The following LILRB1 variants were observed in gnomAD, a reference collection of about 807,000 sequenced individuals.
LILRB1 encodes the protein leukocyte immunoglobulin-like receptor subfamily B member 1.
A neutral mutation model predicts 74.6 loss-of-function variants in LILRB1; 59 were observed. That is an observed-to-expected ratio of 0.79 (90% CI 0.64 to 0.98). The LOEUF (loss-of-function observed/expected upper bound fraction) is 0.98, where lower values mean the gene tolerates loss of function less well. Ranked by LOEUF, LILRB1 falls within the 50% of genes least tolerant of loss-of-function variation. The pLI, the probability that LILRB1 is intolerant of heterozygous loss-of-function variation, is 0.00. For synonymous variants in LILRB1, 328 were observed against 333.9 expected, an observed-to-expected ratio of 0.98 and a Z score of 0.19; for missense variants, 804 against 822.6, an observed-to-expected ratio of 0.98 and a Z score of 0.28.
upstream of LILRB1, among the ~76,000 whole-genome samples, chr19:54,628,378 G>A (rs766643579): frequency 5.9e-5 from 9 of 152,152 alleles, no homozygotes; most frequent in Non-Finnish European, 8.8e-5. Context: ...TCTACCCAGA[G>A]ACAGTCCCAG....
chr19:54,621,105 C>T (rs2063444685), intron 1 of LILRB1, among the ~76,000 whole-genome samples: 1 of 152,164 alleles, frequency 6.6e-6, no homozygotes, highest in Non-Finnish European at 1.5e-5. Context: ...CACTCCCAAC[C>T]TCAGGTGATC....
intron 1 of LILRB1, among the ~76,000 whole-genome samples, chr19:54,617,591 T>TGTGTG (rs2063344128): frequency 3.4e-4 from 45 of 133,428 alleles, no homozygotes; most frequent in East Asian, 8.6e-4. Context: ...GTGTGTGTGG[T>TGTGTG]GTGTGTGTGT....
Position 54,632,480 on chromosome 19 carries a change from A to G in LILRB1, c.678A>G (p.Pro226=), listed in dbSNP as rs764079906. Residue 226 remains proline, a synonymous_variant, in exon 6 of 15, where the codon CCA becomes CCG. Coordinates refer to ENST00000324602, the MANE Select transcript of LILRB1 (RefSeq NM_001081637.3). The stretch of plus-strand genomic sequence containing the variant: ...TTTTCCCAGGTGTTTCTAAGAAGCC[A>G]TCACTCTCAGTGCAGCCAGGTCCTA... ...ELLVLGVSKK[P]SLSVQPGPIV... 5.6e-6 allele frequency: 9 copies of G among 1,605,570 alleles called. No individual in the cohort carries two copies. In the South Asian group the frequency reaches 6.6e-5, roughly 12 times the overall value.
chr19:54,636,892 G>C lies in LILRB1; in HGVS notation c.*14G>C, dbSNP rs554111310. 2.1e-5 allele frequency: 34 copies of C among 1,613,210 alleles called. No homozygotes were observed. Among genetic ancestry groups the C allele is most frequent in the Middle Eastern group, 1.6e-4 (1 of 6,082 alleles). ...GCCATCCACTAGCCCAGGGGGGGAC[G>C]CAGACCCCACACTCCATGGAGTCTG... is the stretch of plus-strand genomic sequence containing the variant. On this transcript the variant is annotated 3_prime_UTR_variant, in exon 15 of 15. Transcript: ENST00000324602.
At chr19:54,618,450 T>G (rs906905381) in intron 1 of LILRB1, among the ~76,000 whole-genome samples, 1 of 152,246 alleles carries the variant, frequency 6.6e-6, no homozygotes, top group African/African-American at 2.4e-5. Context: ...TTGTTTGCAC[T>G]TATTGCACAA....
chr19:54,636,314 A>G lies in LILRB1; in HGVS notation c.1654-180A>G, dbSNP rs2064414374. The G allele has an allele frequency of 3.2e-6, 4 of 1,260,200 alleles. No individual in the cohort carries two copies. The East Asian group carries it at 1.0e-4, about 32-fold the overall frequency. 78.1% of individuals were successfully genotyped at this position (1,260,200 alleles called of 1,614,324 possible). A position where few individuals can be genotyped will look rare whatever the true frequency, so the allele number is the denominator to read the frequency against. ...GCTGCAGCCAAATGGGCAACGTCAG[A>G]GTGAGGAGCAGAGGCCAGAACCACA... On this transcript the variant is annotated intron_variant, in intron 13 of 14. Transcript: ENST00000324602.
At chr19:54,623,138 T>A (rs1466755837) in intron 1 of LILRB1, among the ~76,000 whole-genome samples, 2 of 152,192 alleles carry the variant, frequency 1.3e-5, no homozygotes, top group African/African-American at 4.8e-5. Context: ...TTCTGTTGGA[T>A]CCCTGTCTGA....
Position 54,633,232 on chromosome 19 carries a change from C to T in LILRB1, c.1175C>T (p.Ala392Val), listed in dbSNP as rs377750177. ...ATGGGTCCTGTGACCTCAGCCCATG[C>T]GGGGACCTACAGGTGCTACGGCTCA... Reference protein sequence around the residue: ...FPMGPVTSAHAGTYRCYGSQS... With the variant: ...FPMGPVTSAHVGTYRCYGSQS... Residue 392 changes from alanine to valine, a missense_variant, in exon 7 of 15, where the codon GCG (alanine) becomes GTG (valine). Physicochemically the swap from Ala to Val is moderately conservative, Grantham distance 64 (BLOSUM62 0). Coordinates refer to ENST00000324602, the MANE Select transcript of LILRB1 (RefSeq NM_001081637.3). 4.6e-5 allele frequency: 74 copies of T among 1,614,166 alleles called. No homozygotes were observed. Among genetic ancestry groups the T allele is most frequent in the Admixed American group, 2.8e-4 (17 of 60,030 alleles).
At position 54,632,158 on chromosome 19, in the gene LILRB1, G is replaced by A. The variant is rs373103118; in HGVS notation, c.582G>A (p.Trp194Ter). The change falls in exon 5 of 15, where the codon TGG becomes TGA. Residue 194 changes from tryptophan to a stop codon, truncating the protein, a stop_gained. Transcript: ENST00000324602. LOFTEE classifies it high-confidence loss of function. ...CCGTGAGCCCGAGTCGCAGGTGGTG[G>A]TACAGGTGCTATGCTTATGACTCGA... The part of the protein sequence containing the change: ...VGPVSPSRRW[W>*]YRCYAYDSNS... The A allele has an allele frequency of 8.2e-5, 132 of 1,614,204 alleles. 1 individual carries two copies. In the East Asian group the frequency reaches 2.8e-3, roughly 34 times the overall value.
chr19:54,634,522 G>T, intron 9 of LILRB1, 119 bp from the exon 10 acceptor site: 1 of 1,526,142 alleles, frequency 6.6e-7, no homozygotes, highest in Non-Finnish European at 8.9e-7. Flanking sequence ...GGATGTTTCT[G>T]TGCTGCACGA....
At position 54,618,677 on chromosome 19, in the gene LILRB1, A is replaced by G. The variant is rs753912297; in HGVS notation, c.-166+1328A>G. Among the ~76,000 whole-genome samples the G allele has an allele frequency of 6.8e-4, 103 of 152,216 alleles. 2 individuals are homozygous for G. Among genetic ancestry groups the G allele is most frequent in the Admixed American group, 9.8e-4 (15 of 15,278 alleles). ...AAAACAGAATGATCTTTGCTTGTAT[A>G]ATTTTTAATAAATAAGCCATGTAAT... On this transcript the variant is annotated intron_variant, in intron 1 of 15. Coordinates refer to the LILRB1 transcript ENST00000396331.
intron 13 of LILRB1, chr19:54,635,902 C>A (rs779877185): frequency 1.6e-6 from 1 of 632,886 alleles, no homozygotes. Context: ...CCCGGTCCCC[C>A]AGGCTCCCCT....
chr19:54,634,632 G>C lies in LILRB1; in HGVS notation c.1364-9G>C. 6.2e-7 allele frequency: 1 copy of C among 1,610,732 alleles called. No individual in the cohort carries two copies. The highest frequency in any genetic ancestry group is 8.5e-7 in the Non-Finnish European group (1 of 1,178,132). On this transcript the variant is annotated splice_polypyrimidine_tract_variant and intron_variant, in intron 9 of 14. Coordinates refer to ENST00000324602, the MANE Select transcript of LILRB1 (RefSeq NM_001081637.3). ...CATCACCCCCATCCCTGACATCATC[G>C]TGCTCAAGGTCTGGGAAGGCACCTG...
Position 54,631,486 on chromosome 19 carries a change from T to C in LILRB1, c.71-14T>C, listed in dbSNP as rs763495986. ...GGGAAATGAGTTAGAATCTGACTCCTGATTTCCTTCCAGGGCACCTCCCCA... is the reference window on the plus strand; with the variant it reads ...GGGAAATGAGTTAGAATCTGACTCCCGATTTCCTTCCAGGGCACCTCCCCA... On this transcript the variant is annotated splice_polypyrimidine_tract_variant and intron_variant, in intron 3 of 14. Transcript: ENST00000324602. The C allele has an allele frequency of 5.0e-6, 8 of 1,601,886 alleles. No individual in the cohort carries two copies. Among genetic ancestry groups the C allele is most frequent in the South Asian group, 3.3e-5 (3 of 89,692 alleles).
rs912396900 is a variant in LILRB1, at chr19:54,633,583, G to A, written c.1262-55G>A. 1.2e-5 allele frequency: 19 copies of A among 1,550,106 alleles called. No homozygotes were observed. In the African/African-American group the frequency reaches 1.4e-4, roughly 11 times the overall value. On this transcript the variant is annotated intron_variant, in intron 7 of 14. Coordinates refer to ENST00000324602, the MANE Select transcript of LILRB1 (RefSeq NM_001081637.3). ...CCCATGTAGAGAAATTTGGTTTGAG[G>A]TGGAGACTTCAGGAAAGCCCCAGCT...
At chr19:54,632,878 A>T (rs1305925559) in intron 6 of LILRB1, 118 bp downstream of exon 6, 1 of 1,476,384 alleles carries the variant, frequency 6.8e-7, no homozygotes, top group East Asian at 2.4e-5. Context: ...AGAGACAGAC[A>T]GAGACAGGGG....
In LILRB1 at chr19:54,636,516, C is replaced by G. The variant is rs201022583; in HGVS notation, c.1676C>G (p.Pro559Arg). The change falls in exon 14 of 15, where the codon CCC becomes CGC. Residue 559 changes from proline to arginine, a missense_variant. By Grantham distance (103) the Pro-to-Arg change is moderately radical. Transcript: ENST00000324602. Reference protein sequence around the residue: ...DTRQSPHDEDPQAVTYAEVKH... With the variant: ...DTRQSPHDEDRQAVTYAEVKH... Reference sequence around the variant, plus strand: ...CAGCAGAGCCCACACGATGAAGACCCCCAGGCAGTGACGTATGCCGAGGTG... The same window carrying G: ...CAGCAGAGCCCACACGATGAAGACCGCCAGGCAGTGACGTATGCCGAGGTG... The G allele has an allele frequency of 1.6e-5, 26 of 1,611,862 alleles. No individual in the cohort carries two copies. Among genetic ancestry groups the G allele is most frequent in the Non-Finnish European group, 1.9e-5 (22 of 1,179,796 alleles).
intron 3 of LILRB1, 84 bp downstream of exon 3, chr19:54,631,390 G>A (rs2063827100): frequency 6.2e-7 from 1 of 1,612,838 alleles, no homozygotes; most frequent in Non-Finnish European, 8.5e-7. Flanking sequence ...ATGGGGAATA[G>A]CAGTTCTGGG....
upstream of LILRB1, among the ~76,000 whole-genome samples, chr19:54,627,451 G>A (rs542427837): frequency 3.1e-4 from 47 of 152,114 alleles, 1 homozygote; most frequent in South Asian, 9.8e-3. Flanking sequence ...CATGCTTCCA[G>A]CTCTCAGATA....
Sources: gnomAD v4.1 joint callset for allele counts (sites outside exome capture counted in the v4.1 genomes callset) on GRCh38, gnomAD v4.1.1 for gene constraint, MANE v1.5 for transcripts, NCBI Gene and HGNC (gene_info 2026-07-23, HGNC 2026-07-21) for gene names.